Variants in SYTL4 observed in about 807,000 individuals in gnomAD.
SYTL4 encodes the protein synaptotagmin-like protein 4.
In SYTL4, 16 loss-of-function variants were observed where a neutral mutation model predicts 52.7. The ratio of observed to expected loss-of-function variants is 0.30; its 90% CI spans 0.21 to 0.46. The LOEUF (loss-of-function observed/expected upper bound fraction) is 0.46. SYTL4 is among the 20% of genes least tolerant of loss of function. The pLI is 1.00. For synonymous variants in SYTL4, 160 were observed against 186.6 expected, an observed-to-expected ratio of 0.86 and a Z score of 1.16; for missense variants, 423 against 519.9, an observed-to-expected ratio of 0.81 and a Z score of 1.81.
chrX:100,676,051 C>T lies in SYTL4; in HGVS notation c.1993G>A (p.Ala665Thr). 1 of 1,209,895 alleles carries T rather than the reference C, an allele frequency of 8.3e-7. No homozygotes were observed. Among genetic ancestry groups the T allele is most frequent in the Non-Finnish European group, 1.1e-6 (1 of 894,860 alleles). Residue 665 changes from alanine to threonine, a missense_variant, in exon 20 of 20, where the codon GCC becomes ACC. Transcript: ENST00000372989. Reference sequence around the variant, plus strand: ...ACTCATAAACCCAGCTTCTGCTTGGCCATTGAGGAACGGAGCTGCAGAGTC... The same window carrying T: ...ACTCATAAACCCAGCTTCTGCTTGGTCATTGAGGAACGGAGCTGCAGAGTC... ...EGTLQLRSSMAKQKLGL is the reference protein window; with the variant it reads ...EGTLQLRSSMTKQKLGL
intron 16 of SYTL4, among the ~76,000 whole-genome samples, chrX:100,682,643 G>C (rs764911165): frequency 4.5e-5 from 5 of 110,700 alleles, no homozygotes; most frequent in African/African-American, 1.6e-4. Flanking sequence ...GGAGGCGGAG[G>C]TTGCAGTGAG....
chrX:100,698,227 C>T (rs1218814209), intron 8 of SYTL4, among the ~76,000 whole-genome samples: 6 of 110,259 alleles, frequency 5.4e-5, no homozygotes, highest in East Asian at 3.2e-4. Flanking sequence ...CTCAGTCTCC[C>T]CAGCAGCTGG....
At chrX:100,705,383 T>C (rs1299251427) in intron 2 of SYTL4, among the ~76,000 whole-genome samples, 1 of 111,789 alleles carries the variant, frequency 8.9e-6, no homozygotes, top group Non-Finnish European at 1.9e-5. Flanking sequence ...ATTGCAGGGA[T>C]TCAAGCCCAG....
chrX:100,689,028 A>G (rs1477214592), intron 12 of SYTL4, among the ~76,000 whole-genome samples: 1 of 110,782 alleles, frequency 9.0e-6, no homozygotes, highest in Admixed American at 9.6e-5. Flanking sequence ...CATTTTAATC[A>G]AAAGAAGTAT....
At chrX:100,701,726 G>T in intron 5 of SYTL4, 53 bp from the exon 6 acceptor site, 1 of 1,111,259 alleles carries the variant, frequency 9.0e-7, no homozygotes, top group Non-Finnish European at 1.2e-6. Flanking sequence ...GCATAGATTG[G>T]ATGGAGAGGG....
In SYTL4 at chrX:100,675,329, T is replaced by C. The variant is rs1431353260; in HGVS notation, c.*699A>G. On this transcript the variant is annotated 3_prime_UTR_variant, in exon 20 of 20. Transcript: ENST00000372989. ...ATACATTATCTAATTAAAGTGCTTT[T>C]CAAAAGCAGCTCCATTATAAGAGTC... is the stretch of plus-strand genomic sequence containing the variant. 2 of 112,499 alleles carry C rather than the reference T, an allele frequency of 1.8e-5. No homozygotes were observed. Among genetic ancestry groups the C allele is most frequent in the African/African-American group, 6.5e-5 (2 of 30,822 alleles). The allele number at this position is 112,499 out of a possible 1,213,427, so 9.3% of individuals were successfully genotyped here.
At chrX:100,686,590 G>A (rs1386815747) in intron 15 of SYTL4, 89 bp downstream of exon 15, 5 of 646,167 alleles carry the variant, frequency 7.7e-6, no homozygotes, top group African/African-American at 4.4e-5. Context: ...ACTGAAGCCC[G>A]TGTCACCTGG....
chrX:100,705,556 G>A (rs1284823451), intron 2 of SYTL4, among the ~76,000 whole-genome samples: 1 of 111,354 alleles, frequency 9.0e-6, no homozygotes, highest in Non-Finnish European at 1.9e-5. Context: ...AGTGGCTCCT[G>A]GATAAAAGAG....
At chrX:100,690,186 G>C (rs1353574475) in intron 10 of SYTL4, 21 bp from the exon 11 acceptor site, 1 of 1,113,095 alleles carries the variant, frequency 9.0e-7, no homozygotes, top group Non-Finnish European at 1.2e-6. Context: ...ACAAGGGCAA[G>C]AAAATGGAAA....
intron 2 of SYTL4, among the ~76,000 whole-genome samples, chrX:100,720,298 GA>G (rs1307289623): frequency 5.4e-5 from 6 of 111,309 alleles, no homozygotes; most frequent in Non-Finnish European, 1.1e-4. Context: ...CCATTTTTTA[GA>G]TTTTTAAAAA....
chrX:100,685,877 C>T (rs921155567), intron 16 of SYTL4, 113 bp downstream of exon 16: 6 of 775,525 alleles, frequency 7.7e-6, no homozygotes, highest in Non-Finnish European at 1.1e-5. Flanking sequence ...GCAGGGGGCA[C>T]TAGAACTCCA....
In SYTL4 at chrX:100,679,427, A is replaced by T. The variant is rs780223102; in HGVS notation, c.1559-15T>A. 2 of 1,139,019 alleles carry T rather than the reference A, an allele frequency of 1.8e-6. No homozygotes were observed. The highest frequency in any genetic ancestry group is 2.4e-6 in the Non-Finnish European group (2 of 830,157). The allele number at this position is 1,139,019 out of a possible 1,213,427, so 93.9% of individuals were successfully genotyped here. A position where few individuals can be genotyped will look rare whatever the true frequency, so the allele number is the denominator to read the frequency against. ...CCCACCTTTACCTGTAAGGGATGTCAGCCATAGCAAGTGAGCCCCTTCCAC... is the reference window on the plus strand; with the variant it reads ...CCCACCTTTACCTGTAAGGGATGTCTGCCATAGCAAGTGAGCCCCTTCCAC... On this transcript the variant is annotated splice_polypyrimidine_tract_variant and intron_variant, in intron 17 of 19. Coordinates refer to ENST00000372989, the MANE Select transcript of SYTL4 (RefSeq NM_001370165.1).
At chrX:100,716,658 C>G (rs1290444008) in intron 2 of SYTL4, among the ~76,000 whole-genome samples, 1 of 108,347 alleles carries the variant, frequency 9.2e-6, no homozygotes, top group East Asian at 2.9e-4. Context: ...CACAAAAATA[C>G]CAATGGATAA....
intron 19 of SYTL4, among the ~76,000 whole-genome samples, chrX:100,676,729 C>T (rs1452214110): frequency 2.7e-5 from 3 of 111,465 alleles, no homozygotes; most frequent in Non-Finnish European, 5.6e-5. Flanking sequence ...TCGTGATCTG[C>T]CTGCCTCAGC....
Position 100,675,929 on chromosome X carries a change from T to G in SYTL4, c.*99A>C. On this transcript the variant is annotated 3_prime_UTR_variant, in exon 20 of 20. Coordinates refer to ENST00000372989, the MANE Select transcript of SYTL4 (RefSeq NM_001370165.1). ...ACACACACACACACACATACACACA[T>G]ACACACATACACATTAAATTATAAA... 1.2e-5 allele frequency: 9 copies of G among 759,501 alleles called. No homozygotes were observed. The highest frequency in any genetic ancestry group is 1.5e-5 in the Non-Finnish European group (8 of 536,898). 62.6% of individuals were successfully genotyped at this position (759,501 alleles called of 1,213,427 possible). A position where few individuals can be genotyped will look rare whatever the true frequency, so the allele number is the denominator to read the frequency against.
chrX:100,709,439 T>C (rs2084022724), intron 2 of SYTL4, among the ~76,000 whole-genome samples: 1 of 111,829 alleles, frequency 8.9e-6, no homozygotes, highest in South Asian at 3.8e-4. Context: ...GAGGCGGAAG[T>C]TGCAGTGAGC....
chrX:100,697,870 C>G (rs2083736121), intron 8 of SYTL4, among the ~76,000 whole-genome samples: 2 of 111,176 alleles, frequency 1.8e-5, no homozygotes, highest in Non-Finnish European at 3.8e-5. Context: ...ACCATTTTTC[C>G]TATTCCATTC....
chrX:100,730,298 A>G (rs1185028806), intron 2 of SYTL4, among the ~76,000 whole-genome samples: 1 of 111,438 alleles, frequency 9.0e-6, no homozygotes, highest in Non-Finnish European at 1.9e-5. Context: ...TAGTCTCGGC[A>G]GTGCATCTAA....
intron 2 of SYTL4, among the ~76,000 whole-genome samples, chrX:100,711,527 C>T (rs373092567): frequency 6.3e-5 from 7 of 111,566 alleles, no homozygotes; most frequent in Admixed American, 1.9e-4. Flanking sequence ...GAAAAACACA[C>T]TCGTTGGGAT....
Sources: allele counts gnomAD v4.1 joint callset (sites outside exome capture counted in the v4.1 genomes callset), GRCh38; gene constraint gnomAD v4.1.1; transcripts MANE v1.5; gene names NCBI Gene and HGNC (gene_info 2026-07-23, HGNC 2026-07-21).